Variants in CCDC149 observed in about 807,000 individuals in gnomAD.
CCDC149 encodes coiled-coil domain-containing protein 149.
A neutral mutation model predicts 59.9 loss-of-function variants in CCDC149; 45 were observed. The ratio of observed to expected loss-of-function variants is 0.75; its 90% CI spans 0.59 to 0.96. CCDC149 has a LOEUF of 0.96. CCDC149 is among the 40% of genes least tolerant of loss of function. The pLI, the probability that CCDC149 is intolerant of heterozygous loss-of-function variation, is 0.00. For missense variants in CCDC149, 584 were observed against 664.7 expected (o/e 0.88, Z 1.33); for synonymous variants, 245 against 260.6 (o/e 0.94, Z 0.58).
In CCDC149 at chr4:24,824,455, G is replaced by A. The variant is rs1298610601; in HGVS notation, c.966-1882C>T. Among the ~76,000 whole-genome samples, 13 of 152,162 alleles carry A rather than the reference G, an allele frequency of 8.5e-5. No individual in the cohort carries two copies. In the East Asian group the frequency reaches 9.6e-4, roughly 11 times the overall value. On this transcript the variant is annotated intron_variant, in intron 9 of 12. Coordinates refer to ENST00000635206, the MANE Select transcript of CCDC149 (RefSeq NM_001330643.2). ...CAGTCAACTAATCTTTCCGGAGTCC[G>A]TAATACACATCAGAGGCCATGCTGA...
intron 2 of CCDC149, among the ~76,000 whole-genome samples, chr4:24,874,160 T>C (rs950514183): frequency 2.0e-5 from 3 of 151,286 alleles, no homozygotes; most frequent in Non-Finnish European, 2.9e-5. Context: ...GAGTTTTCTC[T>C]GTGGGCAGAA....
chr4:24,869,457 T>C (rs1718897132), intron 3 of CCDC149, among the ~76,000 whole-genome samples: 1 of 152,166 alleles, frequency 6.6e-6, no homozygotes, highest in Non-Finnish European at 1.5e-5. Flanking sequence ...CCATAATCTA[T>C]GAGCTGGAAC....
At chr4:24,947,036 G>T (rs755027383) in intron 1 of CCDC149, among the ~76,000 whole-genome samples, 2 of 152,150 alleles carry the variant, frequency 1.3e-5, no homozygotes, top group Non-Finnish European at 2.9e-5. Flanking sequence ...AGGTTCCTGT[G>T]CAGGACAGTA....
chr4:24,934,838 G>C (rs1722694835), intron 1 of CCDC149, among the ~76,000 whole-genome samples: 1 of 152,252 alleles, frequency 6.6e-6, no homozygotes, highest in African/African-American at 2.4e-5. Flanking sequence ...ATGGGATGTG[G>C]CTGAAGAAAG....
chr4:24,866,427 C>T (rs540565795), intron 3 of CCDC149, among the ~76,000 whole-genome samples: 3 of 152,252 alleles, frequency 2.0e-5, no homozygotes, highest in East Asian at 1.9e-4. Context: ...AAAATTAACC[C>T]GAGATAATTT....
At chr4:24,904,373 T>G (rs1721352388) in intron 1 of CCDC149, among the ~76,000 whole-genome samples, 1 of 152,244 alleles carries the variant, frequency 6.6e-6, no homozygotes, top group Non-Finnish European at 1.5e-5. Flanking sequence ...GTTATCTGGT[T>G]GTGGCTGCTC....
chr4:24,882,761 C>T (rs1719922154), intron 1 of CCDC149, among the ~76,000 whole-genome samples: 1 of 152,056 alleles, frequency 6.6e-6, no homozygotes, highest in Non-Finnish European at 1.5e-5. Context: ...TTCAGATTCC[C>T]AAAACTCCTG....
intron 1 of CCDC149, among the ~76,000 whole-genome samples, chr4:24,904,241 G>A (rs1163214542): frequency 6.6e-6 from 1 of 152,220 alleles, no homozygotes; most frequent in South Asian, 2.1e-4. Context: ...TAATAAAGGT[G>A]TTCTTAAAAA....
At chr4:24,839,750 C>A (rs1716823072) in intron 4 of CCDC149, among the ~76,000 whole-genome samples, 1 of 152,198 alleles carries the variant, frequency 6.6e-6, no homozygotes, top group Non-Finnish European at 1.5e-5. Context: ...ATCACAACTC[C>A]AAGGATTGCC....
chr4:24,866,208 G>A (rs937481702), intron 3 of CCDC149, among the ~76,000 whole-genome samples: 1 of 152,108 alleles, frequency 6.6e-6, no homozygotes, highest in South Asian at 2.1e-4. Flanking sequence ...TCATCTTGGT[G>A]CGTGTCACTG....
intron 8 of CCDC149, among the ~76,000 whole-genome samples, chr4:24,833,241 C>T (rs557347452): frequency 1.4e-5 from 2 of 145,620 alleles, no homozygotes; most frequent in Admixed American, 6.8e-5. Context: ...AAAAAAAAAA[C>T]CCGGCTTTTT....
At chr4:24,971,989 C>T (rs1299830072) in intron 1 of CCDC149, among the ~76,000 whole-genome samples, 1 of 152,208 alleles carries the variant, frequency 6.6e-6, no homozygotes, top group African/African-American at 2.4e-5. Flanking sequence ...GAAGCTCTCA[C>T]TTCCAGTTGT....
intron 7 of CCDC149, among the ~76,000 whole-genome samples, chr4:24,835,595 C>T (rs1052719808): frequency 4.6e-5 from 7 of 152,188 alleles, no homozygotes; most frequent in African/African-American, 1.4e-4. Flanking sequence ...TAAATGAATG[C>T]ATCCACACAT....
chr4:24,935,256 A>G (rs983460384), intron 1 of CCDC149, among the ~76,000 whole-genome samples: 5 of 152,222 alleles, frequency 3.3e-5, no homozygotes, highest in African/African-American at 1.2e-4. Flanking sequence ...TTACTTCAAT[A>G]TCTTAGGACT....
chr4:24,957,814 T>G (rs1189221197), intron 1 of CCDC149, among the ~76,000 whole-genome samples: 1 of 152,208 alleles, frequency 6.6e-6, no homozygotes, highest in Non-Finnish European at 1.5e-5. Context: ...CAGAAAAAGT[T>G]TGCTGACTCC....
intron 1 of CCDC149, among the ~76,000 whole-genome samples, chr4:24,929,593 A>G (rs570424065): frequency 5.2e-4 from 79 of 152,326 alleles, no homozygotes; most frequent in Non-Finnish European, 9.3e-4. Context: ...CCCTTTTCCA[A>G]CGTAAACTCT....
intron 1 of CCDC149, among the ~76,000 whole-genome samples, chr4:24,888,276 A>G (rs73807036): frequency 0.024 from 3,605 of 152,202 alleles, 141 homozygotes; most frequent in African/African-American, 0.082. Flanking sequence ...ATATACATAG[A>G]TATATAGATA....
At chr4:24,805,113 G>A (rs1205716833), downstream of CCDC149, among the ~76,000 whole-genome samples, 1 of 152,114 alleles carries the variant, frequency 6.6e-6, no homozygotes, top group Non-Finnish European at 1.5e-5. Context: ...AAAGACAAAC[G>A]CTCATGTAAA....
In CCDC149 at chr4:24,806,710, T is replaced by C. The variant is rs968745698; in HGVS notation, c.*1679A>G. 6.5e-6 allele frequency: 1 copy of C among 153,078 alleles called. No homozygotes were observed. Among genetic ancestry groups the C allele is most frequent in the Non-Finnish European group, 1.5e-5 (1 of 68,180 alleles). The allele number at this position is 153,078 out of a possible 1,614,324, so 9.5% of individuals were successfully genotyped here. A position where few individuals can be genotyped will look rare whatever the true frequency, so the allele number is the denominator to read the frequency against. On this transcript the variant is annotated 3_prime_UTR_variant, in exon 13 of 13. Transcript: ENST00000635206. ...GGGGTGGGCCTGGTGGGGAGGGCGATAGGCTGGGACAGAAGGAAGGATGGA... is the reference window on the plus strand; with the variant it reads ...GGGGTGGGCCTGGTGGGGAGGGCGACAGGCTGGGACAGAAGGAAGGATGGA...
Sources: gnomAD v4.1 joint callset for allele counts (sites outside exome capture counted in the v4.1 genomes callset) on GRCh38, gnomAD v4.1.1 for gene constraint, MANE v1.5 for transcripts, NCBI Gene and HGNC (gene_info 2026-07-23, HGNC 2026-07-21) for gene names.